The following FZD3 variants were observed in gnomAD, a reference collection of about 807,000 sequenced individuals.
The protein encoded by FZD3 is frizzled class receptor 3.
FZD3 carries 30 observed loss-of-function variants against 60.7 expected under a neutral mutation model. That is an observed-to-expected ratio of 0.49 (90% confidence interval 0.37 to 0.67). FZD3 has a LOEUF of 0.67. Among genes scored for constraint, FZD3 ranks in the 30% least tolerant of loss-of-function variants. FZD3 has a pLI of 0.00. For synonymous variants in FZD3, 246 were observed against 275.2 expected (o/e 0.89, Z 1.05); for missense variants, 605 against 838.7 (o/e 0.72, Z 3.44).
At position 28,514,398 on chromosome 8, in the gene FZD3, A is replaced by G. The variant is rs373780857; in HGVS notation, c.190-6240A>G. On this transcript the variant is annotated intron_variant, in intron 3 of 7. Transcript: ENST00000240093. The stretch of plus-strand genomic sequence containing the variant: ...TTTTATGTAACAGCTTTATTGAGAT[A>G]TAATGTGAGTACAGTAAACTGCCCT... 1.4e-4 allele frequency among the ~76,000 whole-genome samples: 22 copies of G among 152,360 alleles called. 1 individual carries two copies. The highest frequency in any genetic ancestry group is 4.8e-4 in the African/African-American group (20 of 41,592).
At chr8:28,509,294 ATCCT>A (rs1252372193) in intron 3 of FZD3, among the ~76,000 whole-genome samples, 5 of 151,596 alleles carry the variant, frequency 3.3e-5, no homozygotes, top group Non-Finnish European at 5.9e-5. Flanking sequence ...AAAAGTTTTT[ATCCT>A]TCCATTTAAA....
At chr8:28,554,030 C>G (rs1323925154) in intron 6 of FZD3, among the ~76,000 whole-genome samples, 1 of 152,210 alleles carries the variant, frequency 6.6e-6, no homozygotes, top group Non-Finnish European at 1.5e-5. Flanking sequence ...GAGCTTTGCT[C>G]TTAACTACTT....
At chr8:28,549,632 T>C (rs1263139342) in intron 5 of FZD3, among the ~76,000 whole-genome samples, 1 of 152,176 alleles carries the variant, frequency 6.6e-6, no homozygotes, top group Non-Finnish European at 1.5e-5. Context: ...ATACTTTTCT[T>C]GTATTCCATA....
chr8:28,529,692 A>G (rs1301149935), intron 5 of FZD3, among the ~76,000 whole-genome samples: 1 of 152,114 alleles, frequency 6.6e-6, no homozygotes, highest in Non-Finnish European at 1.5e-5. Context: ...ATATTTTATC[A>G]TTATATTAGC....
intron 3 of FZD3, among the ~76,000 whole-genome samples, chr8:28,504,093 A>G (rs997702823): frequency 2.2e-4 from 34 of 152,210 alleles, no homozygotes; most frequent in Admixed American, 2.0e-3. Flanking sequence ...GGAAGCCTAC[A>G]TGTTTTGGAA....
chr8:28,500,573 A>T (rs3757884), intron 2 of FZD3, among the ~76,000 whole-genome samples: 90,083 of 151,852 alleles, frequency 0.59, 26,939 homozygotes, highest in East Asian at 0.65. Flanking sequence ...CTTTAATTTT[A>T]TTTAGTTGCA....
intron 3 of FZD3, among the ~76,000 whole-genome samples, chr8:28,519,022 A>T (rs1804503974): frequency 6.6e-6 from 1 of 152,336 alleles, no homozygotes; most frequent in South Asian, 2.1e-4. Context: ...AGTGAAAGTC[A>T]TAGATAGTTT....
At chr8:28,526,099 T>TG (rs1554535350) in intron 4 of FZD3, among the ~76,000 whole-genome samples, 1 of 151,740 alleles carries the variant, frequency 6.6e-6, no homozygotes, top group Non-Finnish European at 1.5e-5. Flanking sequence ...AGTTGGCAGT[T>TG]AGATATACAA....
At chr8:28,538,598 G>A (rs1276116355) in intron 5 of FZD3, among the ~76,000 whole-genome samples, 1 of 152,068 alleles carries the variant, frequency 6.6e-6, no homozygotes, top group African/African-American at 2.4e-5. Flanking sequence ...AAAAAACACA[G>A]GTCTGAGTAT....
chr8:28,547,569 T>G (rs1339891631), intron 5 of FZD3, among the ~76,000 whole-genome samples: 1 of 152,256 alleles, frequency 6.6e-6, no homozygotes, highest in East Asian at 1.9e-4. Flanking sequence ...TTTTGGATCT[T>G]ACCTATTTGA....
chr8:28,559,786 T>C (rs1255709872), intron 7 of FZD3, among the ~76,000 whole-genome samples: 1 of 152,240 alleles, frequency 6.6e-6, no homozygotes, highest in Non-Finnish European at 1.5e-5. Flanking sequence ...ACTTTGTGTG[T>C]CAACACTATG....
chr8:28,520,706 T>C lies in FZD3; in HGVS notation c.258T>C (p.Ala86=), dbSNP rs1334084861. 6.2e-7 allele frequency: 1 copy of C among 1,612,500 alleles called. No homozygotes were observed. The highest frequency in any genetic ancestry group is 2.2e-5 in the East Asian group (1 of 44,850). ...DFRPFLCALY[A]PICMEYGRVT... ...GGCCTTTTCTTTGTGCACTCTACGCTCCTATTTGTATGGAATATGGACGTG... is the reference window on the plus strand; with the variant it reads ...GGCCTTTTCTTTGTGCACTCTACGCCCCTATTTGTATGGAATATGGACGTG... Residue 86 remains alanine, a synonymous_variant, in exon 4 of 8, where the codon GCT becomes GCC. Coordinates refer to ENST00000240093, the MANE Select transcript of FZD3 (RefSeq NM_017412.4).
At chr8:28,537,569 A>G (rs1805049663) in intron 5 of FZD3, among the ~76,000 whole-genome samples, 1 of 152,192 alleles carries the variant, frequency 6.6e-6, no homozygotes, top group Non-Finnish European at 1.5e-5. Context: ...AAAAGCAGCC[A>G]TAGACAGTAA....
chr8:28,523,478 G>A (rs1053158961), intron 4 of FZD3, among the ~76,000 whole-genome samples: 6 of 151,918 alleles, frequency 3.9e-5, no homozygotes, highest in African/African-American at 1.5e-4. Flanking sequence ...TGCCCAGGCT[G>A]GAGTGCAGGG....
At chr8:28,543,568 A>T (rs1189346262) in intron 5 of FZD3, among the ~76,000 whole-genome samples, 1 of 151,942 alleles carries the variant, frequency 6.6e-6, no homozygotes, top group Non-Finnish European at 1.5e-5. Context: ...TTTGGTAGAG[A>T]CGGTGTTTCG....
At chr8:28,542,507 G>T (rs528915648) in intron 5 of FZD3, among the ~76,000 whole-genome samples, 6 of 152,006 alleles carry the variant, frequency 3.9e-5, no homozygotes, top group Admixed American at 2.0e-4. Context: ...GCCTAGTGGC[G>T]CATGCCTGTA....
chr8:28,516,467 C>G (rs528406997), intron 3 of FZD3, among the ~76,000 whole-genome samples: 16 of 152,082 alleles, frequency 1.1e-4, no homozygotes, highest in Non-Finnish European at 2.1e-4. Flanking sequence ...GGGATTACAC[C>G]GAATCTGTAG....
intron 3 of FZD3, among the ~76,000 whole-genome samples, chr8:28,514,943 T>A (rs13264209): frequency 0.029 from 4,472 of 152,244 alleles, 94 homozygotes; most frequent in Non-Finnish European, 0.051. Context: ...AACTGAAGCG[T>A]AGAGAGATTT....
intron 3 of FZD3, among the ~76,000 whole-genome samples, chr8:28,519,347 A>G (rs1327858617): frequency 6.6e-6 from 1 of 152,106 alleles, no homozygotes; most frequent in Non-Finnish European, 1.5e-5. Context: ...TTGTGGTTTT[A>G]TGTTTGGGGT....
Sources: allele counts gnomAD v4.1 joint callset (sites outside exome capture counted in the v4.1 genomes callset), GRCh38; gene constraint gnomAD v4.1.1; transcripts MANE v1.5; gene names NCBI Gene and HGNC (gene_info 2026-07-23, HGNC 2026-07-21).